C3: variants seen among roughly 807,000 people sequenced by gnomAD.
The protein encoded by C3 is complement C3.
In C3, 97 loss-of-function variants were observed where a neutral mutation model predicts 207.9. That is an observed-to-expected ratio of 0.47 (90% CI 0.40 to 0.55). The LOEUF (loss-of-function observed/expected upper bound fraction) is 0.55. Among genes scored for constraint, C3 ranks in the 20% least tolerant of loss-of-function variants. The probability of loss-of-function intolerance (pLI) is 0.00; values close to 1 mark genes in which losing one functional copy is unlikely to be tolerated. For synonymous variants in C3, 848 were observed against 857.6 expected, an observed-to-expected ratio of 0.99 and a Z score of 0.20; for missense variants, 1,684 against 2,171.7, an observed-to-expected ratio of 0.78 and a Z score of 4.46.
chr19:6,718,527 A>T, intron 2 of C3, 115 bp from the exon 3 acceptor site: 1 of 1,267,438 alleles, frequency 7.9e-7, no homozygotes. Context: ...TGGTCTTCCG[A>T]GGTGGCCGTT....
At chr19:6,707,417 T>G (rs1242978741) in intron 16 of C3, 49 bp downstream of exon 16, 2 of 1,606,932 alleles carry the variant, frequency 1.2e-6, no homozygotes, top group South Asian at 2.2e-5. Flanking sequence ...CGGGCTGGGG[T>G]CTCCTGGGGT....
chr19:6,696,300 AC>A (rs1967532252), intron 23 of C3, 78 bp downstream of exon 23: 1 of 856,036 alleles, frequency 1.2e-6, no homozygotes, highest in African/African-American at 1.7e-5. Flanking sequence ...TGCGGGTTAA[AC>A]ACCTCCAGAA....
Position 6,719,974 on chromosome 19 carries a change from T to C in C3, c.74+542A>G, listed in dbSNP as rs568549065. ...GCCCCAACTATACATGAACCCGAAGTAGCCAATCTTTAAACCCACACTGAA... is the reference window on the plus strand; with the variant it reads ...GCCCCAACTATACATGAACCCGAAGCAGCCAATCTTTAAACCCACACTGAA... On this transcript the variant is annotated intron_variant, in intron 1 of 40. Coordinates refer to ENST00000245907, the MANE Select transcript of C3 (RefSeq NM_000064.4). This position sits in a 1 kb window ranked among gnomAD's most constrained non-coding sequence, Gnocchi z 5.4. 2.0e-5 allele frequency among the ~76,000 whole-genome samples: 3 copies of C among 152,224 alleles called. No homozygotes were observed. Among genetic ancestry groups the C allele is most frequent in the East Asian group, 3.9e-4 (2 of 5,184 alleles).
At chr19:6,689,293 CCTCTCCTCTCTCTCTCTCTCTCTCTCTCT>C (rs1918091040) in intron 27 of C3, among the ~76,000 whole-genome samples, 5 of 136,032 alleles carry the variant, frequency 3.7e-5, no homozygotes, top group East Asian at 2.1e-4. Context: ...TCTGACCCCA[CCTCTCCTCTCTCTCTCTCTCTCTCTCTCT>C]ACCTACCTCC....
At chr19:6,706,990 CAGA>C in intron 17 of C3, 83 bp downstream of exon 17, 75 of 950,238 alleles carry the variant, frequency 7.9e-5, no homozygotes, top group South Asian at 3.5e-4. Flanking sequence ...CCACCCCCAC[CAGA>C]CAGGGCATCC....
chr19:6,711,671 G>C (rs935730751), intron 11 of C3, among the ~76,000 whole-genome samples: 6 of 152,186 alleles, frequency 3.9e-5, no homozygotes, highest in African/African-American at 7.2e-5. Flanking sequence ...GCACAGGGAG[G>C]GGTAAGTGGG....
chr19:6,688,611 C>T (rs1449330304), intron 27 of C3, among the ~76,000 whole-genome samples: 2 of 152,042 alleles, frequency 1.3e-5, no homozygotes, highest in Non-Finnish European at 2.9e-5. Context: ...CCTCCACCTC[C>T]CTGGTTCAAG....
At chr19:6,679,593 T>TAGCATCTCCA in intron 36 of C3, 97 bp from the exon 37 acceptor site, 2 of 843,136 alleles carry the variant, frequency 2.4e-6, no homozygotes, top group Non-Finnish European at 4.2e-6. Flanking sequence ...TCTTCAGACC[T>TAGCATCTCCA]GGAGATGCTA....
chr19:6,689,314 T>TTCTC lies in C3; in HGVS notation c.3489+1314_3489+1315insGAGA, dbSNP rs1213486741. On this transcript the variant is annotated intron_variant, in intron 27 of 40. Transcript: ENST00000245907. ...CCCACCTCTCCTCTCTCTCTCTCTC[T>TTCTC]CTCTCTCTACCTACCTCCCTCCCTC... 1.7e-4 allele frequency among the ~76,000 whole-genome samples: 21 copies of TTCTC among 121,354 alleles called. 1 individual carries two copies. The East Asian group carries it at 2.6e-3, about 15-fold the overall frequency. The allele number at this position is 121,354 out of a possible 152,430, so 79.6% of individuals were successfully genotyped here. A position where few individuals can be genotyped will look rare whatever the true frequency, so the allele number is the denominator to read the frequency against.
At chr19:6,684,868 G>C in intron 30 of C3, 34 bp from the exon 31 acceptor site, 1 of 1,612,674 alleles carries the variant, frequency 6.2e-7, no homozygotes, top group Non-Finnish European at 8.5e-7. Context: ...GAGCATGTTG[G>C]GAATTAAGCC....
At chr19:6,682,584 G>A (rs370939042) in intron 33 of C3, 6 of 327,582 alleles carry the variant, frequency 1.8e-5, no homozygotes, top group East Asian at 7.5e-5. Context: ...TAGTAGCCCA[G>A]TGACATGGTT....
rs780325161 is a variant in C3, at chr19:6,714,408, A to G, written c.543T>C (p.Ser181=). The change falls in exon 5 of 41, where the codon TCT becomes TCC. Residue 181 remains serine (S), a synonymous_variant. Coordinates refer to ENST00000245907, the MANE Select transcript of C3 (RefSeq NM_000064.4). ...EGIPVKQDSL[S]SQNQLGVLPL... is the part of the protein sequence containing the mutation. ...GCAAGACGCCAAGCTGGTTCTGAGA[A>G]GACAAGGAGTCCTGCTTGACCGGGA... 2 of 1,613,868 alleles carry G rather than the reference A, an allele frequency of 1.2e-6. No homozygotes were observed. Among genetic ancestry groups the G allele is most frequent in the Non-Finnish European group, 1.7e-6 (2 of 1,180,018 alleles).
chr19:6,718,042 C>T, intron 4 of C3, 52 bp downstream of exon 4: 1 of 1,542,840 alleles, frequency 6.5e-7, no homozygotes, highest in Non-Finnish European at 9.0e-7. Context: ...GATCTCTTTG[C>T]CTCTCCTAAG....
In C3 at chr19:6,719,141, G is replaced by A. The variant is rs1968112397; in HGVS notation, c.267+70C>T. On this transcript the variant is annotated intron_variant, in intron 2 of 40. Transcript: ENST00000245907. This position sits in a 1 kb window ranked among gnomAD's most constrained non-coding sequence, Gnocchi z 5.4. Reference sequence around the variant, plus strand: ...GAAAGGGAGAAGACAGAAGGGGAGGGGCTCAGGAGGAGGGGGGGAGTGGGC... The same window carrying A: ...GAAAGGGAGAAGACAGAAGGGGAGGAGCTCAGGAGGAGGGGGGGAGTGGGC... The A allele has an allele frequency of 4.5e-6, 6 of 1,332,484 alleles. No individual in the cohort carries two copies. The highest frequency in any genetic ancestry group is 6.5e-6 in the Non-Finnish European group (6 of 925,342). 82.5% of individuals were successfully genotyped at this position (1,332,484 alleles called of 1,614,324 possible).
intron 27 of C3, among the ~76,000 whole-genome samples, chr19:6,688,438 GTTTTTAATAATAATTGTATTTAATGACCA>G (rs1042686741): frequency 6.6e-6 from 1 of 152,070 alleles, no homozygotes; most frequent in Non-Finnish European, 1.5e-5. Flanking sequence ...CTAATATTTA[GTTTTTAATAATAATTGTATTTAATGACCA>G]GCTTGAAAAA....
chr19:6,688,925 T>C (rs1918082997), intron 27 of C3, among the ~76,000 whole-genome samples: 1 of 152,206 alleles, frequency 6.6e-6, no homozygotes, highest in Non-Finnish European at 1.5e-5. Flanking sequence ...ATCAGAGTCC[T>C]TTCCTGGGAA....
chr19:6,720,463 C>T, intron 1 of C3, 53 bp downstream of exon 1: 1 of 1,346,846 alleles, frequency 7.4e-7, no homozygotes, highest in Non-Finnish European at 1.0e-6. Context: ...CCCCAAATGT[C>T]TGCTTCCACC....
Position 6,700,249 on chromosome 19 carries a change from A to AAT in C3, c.2440+1876_2440+1877dup, listed in dbSNP as rs1491474748. Among the ~76,000 whole-genome samples, 2 of 135,044 alleles carry AAT rather than the reference A, an allele frequency of 1.5e-5. 1 individual carries two copies. Among genetic ancestry groups the AAT allele is most frequent in the Non-Finnish European group, 3.0e-5 (2 of 65,724 alleles). 88.6% of individuals were successfully genotyped at this position (135,044 alleles called of 152,430 possible). On this transcript the variant is annotated intron_variant, in intron 19 of 40. Transcript: ENST00000245907. ...ATTATATATGTAATATACAATATAT[A>AAT]ATATATTATATATGTAATATGCAAC...
At chr19:6,713,053 G>A in intron 9 of C3, 136 bp downstream of exon 9, 1 of 1,050,472 alleles carries the variant, frequency 9.5e-7, no homozygotes, top group African/African-American at 1.6e-5. Context: ...CTCAGACTGG[G>A]CCTACCCCAT....
Sources: gnomAD v4.1 joint callset for allele counts (sites outside exome capture counted in the v4.1 genomes callset) on GRCh38, gnomAD v4.1.1 for gene constraint, Gnocchi (gnomAD v3.1) non-coding constraint, MANE v1.5 for transcripts, NCBI Gene and HGNC (gene_info 2026-07-23, HGNC 2026-07-21) for gene names.